Variants in SDC2 observed in about 807,000 individuals in gnomAD.
The protein encoded by SDC2 is syndecan-2.
A neutral mutation model predicts 22.2 loss-of-function variants in SDC2; 13 were observed. The observed-to-expected ratio is 0.59, with a 90% CI of 0.38 to 0.93. SDC2 has a LOEUF of 0.93. Among genes scored for constraint, SDC2 ranks in the 40% least tolerant of loss-of-function variants. The pLI is 0.00. For synonymous variants in SDC2, 94 were observed against 92.8 expected, an observed-to-expected ratio of 1.01 and a Z score of -0.07; for missense variants, 235 against 246.8, an observed-to-expected ratio of 0.95 and a Z score of 0.32.
chr8:96,535,057 G>A (rs1193359915), intron 1 of SDC2, among the ~76,000 whole-genome samples: 1 of 151,256 alleles, frequency 6.6e-6, no homozygotes, highest in African/African-American at 2.4e-5. Flanking sequence ...AGGCTGGAGT[G>A]CAATGGTGCG....
intron 1 of SDC2, among the ~76,000 whole-genome samples, chr8:96,540,340 G>GTATATATATATATATATATATATATATA (rs1554601718): frequency 4.0e-5 from 5 of 123,684 alleles, no homozygotes; most frequent in African/African-American, 1.2e-4. Context: ...ATATATATGT[G>GTATATATATATATATATATATATATATA]TATATATATA....
At chr8:96,583,717 G>GTATA (rs60809365) in intron 1 of SDC2, among the ~76,000 whole-genome samples, 2 of 116,730 alleles carry the variant, frequency 1.7e-5, no homozygotes, top group African/African-American at 5.4e-5. Flanking sequence ...GTGTGTGTGT[G>GTATA]TATATATATA....
At chr8:96,570,775 TTAAA>T (rs1406207423) in intron 1 of SDC2, among the ~76,000 whole-genome samples, 1 of 152,192 alleles carries the variant, frequency 6.6e-6, no homozygotes, top group Non-Finnish European at 1.5e-5. Context: ...ATACGTTGGG[TTAAA>T]TAGAGCATGT....
intron 1 of SDC2, among the ~76,000 whole-genome samples, chr8:96,535,199 G>C (rs918761467): frequency 1.3e-5 from 2 of 151,994 alleles, no homozygotes; most frequent in African/African-American, 4.8e-5. Context: ...AGTAGAGATG[G>C]GGTTTCACCA....
chr8:96,540,804 A>G (rs1275035953), intron 1 of SDC2, among the ~76,000 whole-genome samples: 1 of 152,212 alleles, frequency 6.6e-6, no homozygotes, highest in African/African-American at 2.4e-5. Context: ...AAGTATTAAA[A>G]TATAAGCTGA....
chr8:96,584,633 T>C (rs1814650811), intron 1 of SDC2, among the ~76,000 whole-genome samples: 1 of 152,216 alleles, frequency 6.6e-6, no homozygotes, highest in Non-Finnish European at 1.5e-5. Flanking sequence ...GCTTTTCAGG[T>C]TAGGCTCACA....
chr8:96,551,265 A>T (rs955944246), intron 1 of SDC2, among the ~76,000 whole-genome samples: 9 of 152,168 alleles, frequency 5.9e-5, no homozygotes, highest in Non-Finnish European at 1.3e-4. Flanking sequence ...TCACTCACTA[A>T]GTGGGATTGA....
chr8:96,596,232 T>C (rs977249685), intron 2 of SDC2, among the ~76,000 whole-genome samples: 8 of 152,190 alleles, frequency 5.3e-5, no homozygotes, highest in Non-Finnish European at 1.2e-4. Context: ...GTGTTTTCTT[T>C]CATTCCTTTG....
At chr8:96,500,067 GTGGACC>G (rs1312130277) in intron 1 of SDC2, among the ~76,000 whole-genome samples, 1 of 152,208 alleles carries the variant, frequency 6.6e-6, no homozygotes, top group East Asian at 1.9e-4. Flanking sequence ...CCAGCCCCCA[GTGGACC>G]TGGGCTAGTT....
At chr8:96,561,524 A>C (rs1814210759) in intron 1 of SDC2, among the ~76,000 whole-genome samples, 1 of 152,174 alleles carries the variant, frequency 6.6e-6, no homozygotes, top group Non-Finnish European at 1.5e-5. Flanking sequence ...GGCCTGATTG[A>C]GTTTATTCTC....
In SDC2 at chr8:96,581,012, A is replaced by C. The variant is rs115074824; in HGVS notation, c.61-12468A>C. ...TATTCCTGGACTAACTTGGAGAAAA[A>C]AAATTCCTGAGATGATCTATTTTTA... On this transcript the variant is annotated intron_variant, in intron 1 of 4. Coordinates refer to ENST00000302190, the MANE Select transcript of SDC2 (RefSeq NM_002998.4). 6.0e-3 allele frequency among the ~76,000 whole-genome samples: 919 copies of C among 152,224 alleles called. 11 individuals are homozygous for C. The highest frequency in any genetic ancestry group is 0.021 in the African/African-American group (878 of 41,532).
At chr8:96,537,250 T>C (rs1813768238) in intron 1 of SDC2, 1 of 152,144 alleles carries the variant, frequency 6.6e-6, no homozygotes, top group Non-Finnish European at 1.5e-5. Context: ...GTACAGAAAA[T>C]GAAAGATGGC....
chr8:96,561,740 TA>T (rs1214507088), intron 1 of SDC2, among the ~76,000 whole-genome samples: 1 of 152,030 alleles, frequency 6.6e-6, no homozygotes, highest in Non-Finnish European at 1.5e-5. Flanking sequence ...TGGATACCAG[TA>T]GTGAAAGAAT....
intron 1 of SDC2, among the ~76,000 whole-genome samples, chr8:96,496,565 A>G (rs1051384056): frequency 9.2e-5 from 14 of 152,232 alleles, no homozygotes; most frequent in Admixed American, 8.5e-4. Context: ...GTATAGCAGC[A>G]AAAATATAAA....
intron 2 of SDC2, among the ~76,000 whole-genome samples, chr8:96,597,755 CA>C (rs960476541): frequency 3.9e-5 from 6 of 152,132 alleles, no homozygotes; most frequent in African/African-American, 1.4e-4. Flanking sequence ...TGAGAAGACA[CA>C]GAGGATATTC....
intron 1 of SDC2, among the ~76,000 whole-genome samples, chr8:96,528,938 C>T (rs1813619813): frequency 6.6e-6 from 1 of 152,216 alleles, no homozygotes; most frequent in Admixed American, 6.5e-5. Context: ...CTTTACCTCT[C>T]TTGGTCTCAG....
At chr8:96,525,135 C>T (rs1027151281) in intron 1 of SDC2, among the ~76,000 whole-genome samples, 5 of 152,162 alleles carry the variant, frequency 3.3e-5, no homozygotes, top group East Asian at 1.9e-4. Flanking sequence ...GGTGTGATTT[C>T]GGCCTGTGCC....
chr8:96,509,421 CAGG>C (rs1813296556), intron 1 of SDC2, among the ~76,000 whole-genome samples: 1 of 142,144 alleles, frequency 7.0e-6, no homozygotes, highest in African/African-American at 2.5e-5. Flanking sequence ...CTGACCAGAT[CAGG>C]AGGACAGACC....
rs114164563 is a variant in SDC2, at chr8:96,522,110, A to G, written c.60+27779A>G. Among the ~76,000 whole-genome samples, 778 of 152,290 alleles carry G rather than the reference A, an allele frequency of 5.1e-3. 6 individuals are homozygous for G. The highest frequency in any genetic ancestry group is 0.018 in the African/African-American group (750 of 41,562). On this transcript the variant is annotated intron_variant, in intron 1 of 4. Coordinates refer to ENST00000302190, the MANE Select transcript of SDC2 (RefSeq NM_002998.4). ...TATTTAGGATGCCCTATTGAGATAT[A>G]GTGGAATGTCTTTGTTTGCATTTAT...
Sources: gnomAD v4.1 joint callset for allele counts (sites outside exome capture counted in the v4.1 genomes callset) on GRCh38, gnomAD v4.1.1 for gene constraint, MANE v1.5 for transcripts, NCBI Gene and HGNC (gene_info 2026-07-23, HGNC 2026-07-21) for gene names.